DHX29: variants seen among roughly 807,000 people sequenced by gnomAD.
DHX29 encodes DExH-box helicase 29.
Under a neutral mutation model 167.9 loss-of-function variants are expected in DHX29, and 79 were observed. That is an observed-to-expected ratio of 0.47 (90% confidence interval 0.39 to 0.57). The LOEUF (loss-of-function observed/expected upper bound fraction) is 0.57, where lower values mean the gene tolerates loss of function less well. DHX29 is among the 20% of genes least tolerant of loss of function. The probability of loss-of-function intolerance (pLI) is 0.00; values close to 1 mark genes in which losing one functional copy is unlikely to be tolerated. For missense variants in DHX29, 1,347 were observed against 1,593.4 expected (o/e 0.85, Z 2.63); for synonymous variants, 530 against 546.0 (o/e 0.97, Z 0.41).
Position 55,285,356 on chromosome 5 carries a change from T to G in DHX29, c.1293A>C (p.Glu431Asp), listed in dbSNP as rs139752875. Residue 431 changes from glutamate to aspartate, a missense_variant, in exon 10 of 27, where the codon GAA becomes GAC. This residue lies in a region of DHX29 where 60 missense variants were observed against 94.2 expected (regional missense o/e 0.64). Coordinates refer to ENST00000251636, the MANE Select transcript of DHX29 (RefSeq NM_019030.4). ...CCAGGTGCTGAGCTTGCATGCCATC[T>G]TCTGTTAAGATTGTAGGGCATACTA... ...VLVVCPTILT[E>D]DGMQAQHLGA... 128 of 1,613,924 alleles carry G rather than the reference T, an allele frequency of 7.9e-5. No individual in the cohort carries two copies. The African/African-American group carries it at 1.5e-3, about 18-fold the overall frequency.
chr5:55,285,906 T>C lies in DHX29; in HGVS notation c.1067-45A>G, dbSNP rs750578113. On this transcript the variant is annotated intron_variant, in intron 8 of 26. Transcript: ENST00000251636. ...TTGGTTCTTTAAAAATGGTCAAGCA[T>C]TCTCTTTTCAGTGATCAAAGTCCTC... 1.3e-5 allele frequency: 19 copies of C among 1,443,518 alleles called. No homozygotes were observed. The Middle Eastern group carries it at 5.5e-4, about 42-fold the overall frequency. 89.4% of individuals were successfully genotyped at this position (1,443,518 alleles called of 1,614,324 possible). A position where few individuals can be genotyped will look rare whatever the true frequency, so the allele number is the denominator to read the frequency against.
In DHX29 at chr5:55,267,202, T is replaced by C. The variant is rs1337691601; in HGVS notation, c.3461A>G (p.Tyr1154Cys). 1 of 1,612,876 alleles carries C rather than the reference T, an allele frequency of 6.2e-7. No individual in the cohort carries two copies. The highest frequency in any genetic ancestry group is 1.3e-5 in the African/African-American group (1 of 74,912). The change falls in exon 23 of 27, where the codon TAT (tyrosine) becomes TGT (cysteine). Residue 1154 changes from tyrosine to cysteine, a missense_variant. Tyr to Cys is a radical substitution (Grantham distance 194, BLOSUM62 -2). Around this residue, in one of 3 missense-constraint regions of DHX29, gnomAD observed 882 missense variants for 1,082.4 expected, o/e 0.81. Coordinates refer to ENST00000251636, the MANE Select transcript of DHX29 (RefSeq NM_019030.4). ...CCGGCAGTATGTGATTTCAGAACGATAACCTCCTTCTTGTCGTGCTTTCTT... is the reference window on the plus strand; with the variant it reads ...CCGGCAGTATGTGATTTCAGAACGACAACCTCCTTCTTGTCGTGCTTTCTT... ...GWKKARQEGG[Y>C]RSEITYCRRN...
At chr5:55,303,278 T>C (rs1345973312) in intron 1 of DHX29, among the ~76,000 whole-genome samples, 2 of 152,168 alleles carry the variant, frequency 1.3e-5, no homozygotes, top group Non-Finnish European at 2.9e-5. Flanking sequence ...TGATCGACAG[T>C]GTGTACATCT....
chr5:55,265,435 T>A (rs1298215859), intron 23 of DHX29, among the ~76,000 whole-genome samples: 2 of 151,914 alleles, frequency 1.3e-5, no homozygotes, highest in Non-Finnish European at 2.9e-5. Context: ...TACCACCCCT[T>A]TATAAGAAAT....
intron 16 of DHX29, among the ~76,000 whole-genome samples, chr5:55,274,246 A>C (rs1746995397): frequency 6.6e-6 from 1 of 152,020 alleles, no homozygotes; most frequent in Non-Finnish European, 1.5e-5. Context: ...AAATTTTTTA[A>C]ATTAGCTGGG....
In DHX29 at chr5:55,262,765, T is replaced by C; in HGVS notation, c.3693A>G (p.Ile1231Met). The change falls in exon 24 of 27, where the codon ATA becomes ATG. Residue 1231 changes from isoleucine (I) to methionine (M), a missense_variant. Transcript: ENST00000251636. ...VAGLYDNVGK[I>M]IYTKSVDVTE... ...TAACATCCACTGACTTTGTATAGAT[T>C]ATCTTCCCCACATTGTCATACAGTC... 6.2e-7 allele frequency: 1 copy of C among 1,614,128 alleles called. No homozygotes were observed. The highest frequency in any genetic ancestry group is 1.3e-5 in the African/African-American group (1 of 75,044).
chr5:55,307,366 G>A, intron 1 of DHX29, 21 bp downstream of exon 1: 1 of 1,605,074 alleles, frequency 6.2e-7, no homozygotes. Flanking sequence ...AGACAGCCAG[G>A]GGCTGGGGGA....
At chr5:55,271,408 A>C (rs1383665433) in intron 18 of DHX29, among the ~76,000 whole-genome samples, 2 of 152,218 alleles carry the variant, frequency 1.3e-5, no homozygotes, top group African/African-American at 4.8e-5. Context: ...AGGCAGGCAG[A>C]TTGCCTGAGG....
At chr5:55,279,396 G>GACA (rs1747282371) in intron 12 of DHX29, 1 of 145,562 alleles carries the variant, frequency 6.9e-6, no homozygotes, top group East Asian at 2.1e-4. Context: ...TTCTGGAGAC[G>GACA]GTATCTAGAC....
chr5:55,267,603 T>G, intron 22 of DHX29, 83 bp downstream of exon 22: 1 of 1,270,720 alleles, frequency 7.9e-7, no homozygotes, highest in Non-Finnish European at 1.1e-6. Context: ...GAAGTACAAT[T>G]TTAATAAGTC....
chr5:55,299,602 AGCTTCTGGTG>A (rs1748501542), intron 1 of DHX29, among the ~76,000 whole-genome samples: 3 of 152,222 alleles, frequency 2.0e-5, no homozygotes, highest in African/African-American at 7.2e-5. Context: ...TCCCCCTTCC[AGCTTCTGGTG>A]GCAGCATAAC....
chr5:55,282,527 G>C (rs1025339878), intron 11 of DHX29, among the ~76,000 whole-genome samples: 1 of 152,020 alleles, frequency 6.6e-6, no homozygotes, highest in African/African-American at 2.4e-5. Flanking sequence ...ACCCAGTTTA[G>C]AGATAAAAAT....
At chr5:55,304,555 C>T (rs1748768251) in intron 1 of DHX29, among the ~76,000 whole-genome samples, 1 of 151,996 alleles carries the variant, frequency 6.6e-6, no homozygotes, top group South Asian at 2.1e-4. Flanking sequence ...CTGCCTCGGC[C>T]TCCCAAAGTG....
intron 6 of DHX29, among the ~76,000 whole-genome samples, chr5:55,291,665 A>G (rs1748052535): frequency 6.6e-6 from 1 of 152,210 alleles, no homozygotes; most frequent in South Asian, 2.1e-4. Flanking sequence ...ATTCCCATTA[A>G]GCATAACTAC....
intron 23 of DHX29, among the ~76,000 whole-genome samples, chr5:55,265,072 T>A: frequency 1.5e-5 from 2 of 132,932 alleles, no homozygotes; most frequent in African/African-American, 2.8e-5. Flanking sequence ...AAAAGGGAGA[T>A]GACTCTGAAA....
At chr5:55,287,321 A>C (rs1747786022) in intron 8 of DHX29, among the ~76,000 whole-genome samples, 1 of 152,096 alleles carries the variant, frequency 6.6e-6, no homozygotes, top group Non-Finnish European at 1.5e-5. Context: ...TGCACCTGTA[A>C]TCCCGGCTAC....
chr5:55,283,249 T>C lies in DHX29; in HGVS notation c.1919A>G (p.Asn640Ser), dbSNP rs1335737621. The C allele has an allele frequency of 2.5e-6, 4 of 1,610,538 alleles. No homozygotes were observed. Among genetic ancestry groups the C allele is most frequent in the Non-Finnish European group, 3.4e-6 (4 of 1,177,636 alleles). ...PRRISAVSLA[N>S]RVCDELGCEN... ...ACAGCCCAATTCATCACATACTCTGTTGGCTAAACTAACTGCTGAGATTCT... is the reference window on the plus strand; with the variant it reads ...ACAGCCCAATTCATCACATACTCTGCTGGCTAAACTAACTGCTGAGATTCT... Residue 640 changes from asparagine to serine, a missense_variant, in exon 11 of 27, where the codon AAC becomes AGC. Asn to Ser is a conservative substitution (Grantham distance 46). Around this residue, in one of 3 missense-constraint regions of DHX29, gnomAD observed 882 missense variants for 1,082.4 expected, o/e 0.81. Coordinates refer to ENST00000251636, the MANE Select transcript of DHX29 (RefSeq NM_019030.4).
At chr5:55,287,969 G>A (rs1267917242) in intron 8 of DHX29, among the ~76,000 whole-genome samples, 1 of 149,836 alleles carries the variant, frequency 6.7e-6, no homozygotes, top group Non-Finnish European at 1.5e-5. Context: ...GAAAGAAAAA[G>A]GCTGGGCACA....
Position 55,294,051 on chromosome 5 carries a change from G to T in DHX29, c.746C>A (p.Ser249Tyr). Residue 249 changes from serine to tyrosine, a missense_variant, in exon 6 of 27, where the codon TCT (serine) becomes TAT (tyrosine). Transcript: ENST00000251636. ...QQNEEEKNEN[S>Y]KSLEEEEKFD... is the part of the protein sequence containing the mutation. The stretch of plus-strand genomic sequence containing the variant: ...TTTTTCCTCCTCTTCTAAACTTTTA[G>T]AATTCTCATTCTTTTCTTCTTCATT... 1 of 1,608,576 alleles carries T rather than the reference G, an allele frequency of 6.2e-7. No homozygotes were observed. The highest frequency in any genetic ancestry group is 8.5e-7 in the Non-Finnish European group (1 of 1,178,214).
Sources: allele counts gnomAD v4.1 joint callset (sites outside exome capture counted in the v4.1 genomes callset), GRCh38; gene constraint gnomAD v4.1.1; regional missense constraint gnomAD v4.1.1; transcripts MANE v1.5; gene names NCBI Gene and HGNC (gene_info 2026-07-23, HGNC 2026-07-21).